The following CES5A variants were observed in gnomAD, a reference collection of about 807,000 sequenced individuals.
CES5A encodes the protein carboxylesterase 5.
In CES5A, 67 loss-of-function variants were observed where a neutral mutation model predicts 62.9. That is an observed-to-expected ratio of 1.07 (90% CI 0.88 to 1.31). CES5A has a LOEUF of 1.31. Ranked by LOEUF, CES5A falls within the 50% of genes most tolerant of loss-of-function variation. The probability of loss-of-function intolerance (pLI) is 0.00; values close to 1 mark genes in which losing one functional copy is unlikely to be tolerated. For synonymous variants in CES5A, 296 were observed against 280.8 expected (o/e 1.05, Z -0.54); for missense variants, 748 against 708.5 (o/e 1.06, Z -0.63).
intron 1 of CES5A, chr16:55,949,989 G>T: frequency 2.0e-6 from 1 of 502,284 alleles, no homozygotes; most frequent in Non-Finnish European, 3.1e-6. Flanking sequence ...CAGCATATAA[G>T]TAAGAATATA....
At chr16:55,947,854 G>T (rs1437069048) in intron 2 of CES5A, among the ~76,000 whole-genome samples, 1 of 151,980 alleles carries the variant, frequency 6.6e-6, no homozygotes, top group Non-Finnish European at 1.5e-5. Flanking sequence ...AGCAGGGGAG[G>T]GCCAGGTCAT....
intron 6 of CES5A, among the ~76,000 whole-genome samples, chr16:55,862,900 C>T (rs1427441005): frequency 6.6e-6 from 1 of 152,164 alleles, no homozygotes; most frequent in East Asian, 1.9e-4. Flanking sequence ...TGACAAATAT[C>T]GTGGGATAGA....
intron 2 of CES5A, among the ~76,000 whole-genome samples, chr16:55,947,189 G>A (rs529625607): frequency 4.1e-4 from 63 of 152,316 alleles, no homozygotes; most frequent in African/African-American, 1.3e-3. Context: ...TTGCAGTAAT[G>A]TCACACCAGG....
At chr16:55,925,298 AAAC>A (rs1338132738) in intron 1 of CES5A, 1 of 151,816 alleles carries the variant, frequency 6.6e-6, no homozygotes, top group African/African-American at 2.4e-5. Flanking sequence ...ATGCAAATCA[AAAC>A]AACAATGAGA....
At chr16:55,908,042 A>G (rs1279433055) in intron 1 of CES5A, among the ~76,000 whole-genome samples, 6 of 152,168 alleles carry the variant, frequency 3.9e-5, no homozygotes, top group Admixed American at 3.9e-4. Context: ...AAGCTATCAG[A>G]GTATGCTCTG....
At chr16:55,936,484 T>C (rs1045905891) in intron 2 of CES5A, among the ~76,000 whole-genome samples, 16 of 152,212 alleles carry the variant, frequency 1.1e-4, no homozygotes, top group Non-Finnish European at 2.9e-5. Flanking sequence ...AGTGGGATCA[T>C]CCTATGGTGT....
upstream of CES5A, among the ~76,000 whole-genome samples, chr16:55,878,180 G>A (rs1348235235): frequency 2.6e-5 from 4 of 152,108 alleles, no homozygotes; most frequent in African/African-American, 9.7e-5. Context: ...TGTTCTTTAA[G>A]CAGCTTGGCT....
At chr16:55,896,392 T>C (rs1024183916) in intron 1 of CES5A, among the ~76,000 whole-genome samples, 5 of 152,192 alleles carry the variant, frequency 3.3e-5, no homozygotes, top group Non-Finnish European at 7.3e-5. Flanking sequence ...TCTCACCATG[T>C]CTTCTCTTTG....
intron 2 of CES5A, among the ~76,000 whole-genome samples, chr16:55,934,657 G>T (rs375299597): frequency 7.4e-5 from 10 of 135,530 alleles, no homozygotes; most frequent in African/African-American, 2.9e-4. Context: ...AATTGTGTGG[G>T]GTGTGTGTGT....
At chr16:55,899,906 A>G (rs1268780892) in intron 1 of CES5A, among the ~76,000 whole-genome samples, 4 of 152,218 alleles carry the variant, frequency 2.6e-5, no homozygotes, top group East Asian at 1.9e-4. Context: ...GTGATTTCCC[A>G]TGACTCATAT....
intron 1 of CES5A, among the ~76,000 whole-genome samples, chr16:55,955,119 C>G (rs1291102901): frequency 6.6e-6 from 1 of 152,178 alleles, no homozygotes; most frequent in Non-Finnish European, 1.5e-5. Context: ...CTGACCCCTT[C>G]CTTCTGCCCC....
intron 8 of CES5A, 37 bp from the exon 9 acceptor site, chr16:55,856,482 T>A: frequency 6.2e-7 from 1 of 1,604,044 alleles, no homozygotes; most frequent in Admixed American, 1.7e-5. Flanking sequence ...AGCCATCTGG[T>A]CATGAGAAGG....
At chr16:55,891,469 AGAT>A (rs1396097890) in intron 1 of CES5A, among the ~76,000 whole-genome samples, 1 of 152,232 alleles carries the variant, frequency 6.6e-6, no homozygotes, top group African/African-American at 2.4e-5. Context: ...GGGAGACAAG[AGAT>A]GTCAATTAAC....
At chr16:55,878,234 C>T (rs115519193), upstream of CES5A, among the ~76,000 whole-genome samples, 1,789 of 152,180 alleles carry the variant, frequency 0.012, 46 homozygotes, top group African/African-American at 0.04. Flanking sequence ...TGGTAAAAAT[C>T]AAAGCCCACT....
At chr16:55,885,269 G>A (rs1027206532) in intron 1 of CES5A, among the ~76,000 whole-genome samples, 18 of 152,148 alleles carry the variant, frequency 1.2e-4, no homozygotes, top group Middle Eastern at 3.4e-3. Flanking sequence ...CTTGTGCCTC[G>A]TCAATCACCC....
chr16:55,873,770 A>G, intron 2 of CES5A, 63 bp downstream of exon 2: 1 of 1,430,662 alleles, frequency 7.0e-7, no homozygotes, highest in East Asian at 2.3e-5. Context: ...ACTGGGCTGC[A>G]TGACCTGAAT....
chr16:55,924,205 TAAAC>T (rs1429589464), intron 1 of CES5A, among the ~76,000 whole-genome samples: 2 of 151,948 alleles, frequency 1.3e-5, no homozygotes, highest in Non-Finnish European at 3.0e-5. Flanking sequence ...TTAGAATTGA[TAAAC>T]AAATTCAATA....
chr16:55,930,435 C>A (rs1005332999), upstream of CES5A, among the ~76,000 whole-genome samples: 15 of 152,196 alleles, frequency 9.9e-5, no homozygotes, highest in African/African-American at 3.6e-4. Flanking sequence ...TCCTTCAGAT[C>A]TCCCCCAAGT....
chr16:55,874,034 G>A lies in CES5A; in HGVS notation c.77C>T (p.Pro26Leu), dbSNP rs866087241. 2 of 1,601,022 alleles carry A rather than the reference G, an allele frequency of 1.2e-6. No homozygotes were observed. The highest frequency in any genetic ancestry group is 1.7e-6 in the Non-Finnish European group (2 of 1,174,502). Residue 26 changes from proline to leucine, a missense_variant, in exon 2 of 13, where the codon CCT (proline) becomes CTT (leucine). Coordinates refer to ENST00000290567, the MANE Select transcript of CES5A (RefSeq NM_001143685.2). ...IWVLAAPTKGPSAEGPQRNTR... is the reference protein window; with the variant it reads ...IWVLAAPTKGLSAEGPQRNTR... ...GTTCCTCTGTGGCCCTTCAGCAGAA[G>A]GCCCTGCGGGAACACATGGGAGGAA...
Sources: allele counts gnomAD v4.1 joint callset (sites outside exome capture counted in the v4.1 genomes callset), GRCh38; gene constraint gnomAD v4.1.1; transcripts MANE v1.5; gene names NCBI Gene and HGNC (gene_info 2026-07-23, HGNC 2026-07-21).